AMBRA1: variants seen among roughly 807,000 people sequenced by gnomAD.
The protein encoded by AMBRA1 is autophagy and beclin 1 regulator 1, also known as activating molecule in BECN1-regulated autophagy protein 1.
AMBRA1 carries 47 observed loss-of-function variants against 125.4 expected under a neutral mutation model. The ratio of observed to expected loss-of-function variants is 0.37; its 90% CI spans 0.30 to 0.48. The LOEUF is 0.48. AMBRA1 is among the 20% of genes least tolerant of loss of function. The probability of loss-of-function intolerance (pLI) is 0.99; values close to 1 mark genes in which losing one functional copy is unlikely to be tolerated. For synonymous variants in AMBRA1, 626 were observed against 655.5 expected, an observed-to-expected ratio of 0.95 and a Z score of 0.69; for missense variants, 1,331 against 1,693.4, an observed-to-expected ratio of 0.79 and a Z score of 3.76.
chr11:46,398,051 A>G, intron 17 of AMBRA1, 108 bp from the exon 18 acceptor site: 3 of 1,396,526 alleles, frequency 2.1e-6, no homozygotes, highest in East Asian at 2.5e-5. Context: ...TAAACGCAGG[A>G]TAGAGAAAGA....
At chr11:46,451,876 C>A (rs1300058326) in intron 11 of AMBRA1, 1 of 145,190 alleles carries the variant, frequency 6.9e-6, no homozygotes, top group African/African-American at 2.5e-5. Flanking sequence ...GACTAGAAAG[C>A]CCAGGGCAGG....
chr11:46,495,392 T>C (rs1289365272), intron 9 of AMBRA1: 1 of 152,230 alleles, frequency 6.6e-6, no homozygotes, highest in Non-Finnish European at 1.5e-5. Flanking sequence ...CAAAAGTCTA[T>C]GATGGTTTTT....
In AMBRA1 at chr11:46,397,469, C is replaced by T; in HGVS notation, c.3878G>A (p.Gly1293Glu). ...TTGTCTCTACCTGTTCCGTGGTTCT[C>T]CCCTAGGGCCTGCAGCGTCCCCCCT... ...SSRGDAAGPR[G>E]EPRNR The change falls in exon 18 of 18, where the codon GGA becomes GAA. Residue 1293 changes from glycine to glutamate, a missense_variant. Transcript: ENST00000683756. 1 of 1,516,154 alleles carries T rather than the reference C, an allele frequency of 6.6e-7. No individual in the cohort carries two copies. Among genetic ancestry groups the T allele is most frequent in the Non-Finnish European group, 8.8e-7 (1 of 1,131,644 alleles). 93.9% of individuals were successfully genotyped at this position (1,516,154 alleles called of 1,614,324 possible).
At chr11:46,398,009 C>A in intron 17 of AMBRA1, 66 bp from the exon 18 acceptor site, 1 of 1,518,826 alleles carries the variant, frequency 6.6e-7, no homozygotes, top group Non-Finnish European at 8.8e-7. Flanking sequence ...GGCAGGTGGG[C>A]AGCCACCGGT....
At chr11:46,544,109 T>G (rs1293447937) in intron 5 of AMBRA1, 68 bp from the exon 6 acceptor site, 1 of 1,303,038 alleles carries the variant, frequency 7.7e-7, no homozygotes, top group East Asian at 2.3e-5. Flanking sequence ...AGAGGAAACT[T>G]GTGTTTGAAT....
In AMBRA1 at chr11:46,443,479, T is replaced by C. The variant is rs545766312; in HGVS notation, c.2632+9A>G. 10 of 1,609,994 alleles carry C rather than the reference T, an allele frequency of 6.2e-6. No individual in the cohort carries two copies. Among genetic ancestry groups the C allele is most frequent in the Admixed American group, 5.0e-5 (3 of 59,998 alleles). On this transcript the variant is annotated intron_variant, in intron 12 of 17. Coordinates refer to ENST00000683756, the MANE Select transcript of AMBRA1 (RefSeq NM_001387011.1). ...CTTCCACTGATACCCCCATTTGACA[T>C]TGACTTACCATTACTGATTTCAGGG... is the stretch of plus-strand genomic sequence containing the variant.
chr11:46,483,566 G>A (rs1950155275), intron 11 of AMBRA1, among the ~76,000 whole-genome samples: 1 of 152,200 alleles, frequency 6.6e-6, no homozygotes, highest in African/African-American at 2.4e-5. Context: ...ATAGGAAAAG[G>A]AAACGAGAAA....
Position 46,508,271 on chromosome 11 carries a change from G to T in AMBRA1, c.2259C>A (p.Leu753=), listed in dbSNP as rs749723487. 6.2e-7 allele frequency: 1 copy of T among 1,614,224 alleles called. No individual in the cohort carries two copies. Among genetic ancestry groups the T allele is most frequent in the Non-Finnish European group, 8.5e-7 (1 of 1,180,038 alleles). ...QRSMRYQQNR[L]RSSTSSSSSD... is the part of the protein sequence containing the mutation. ...AGGAAGAGGAGGAGGTGGAAGAACGGAGACGGTTCTGTTGGTAGCGCATGG... is the reference window on the plus strand; with the variant it reads ...AGGAAGAGGAGGAGGTGGAAGAACGTAGACGGTTCTGTTGGTAGCGCATGG... Residue 753 remains leucine, a synonymous_variant, in exon 9 of 18, where the codon CTC becomes CTA. Transcript: ENST00000683756.
intron 12 of AMBRA1, among the ~76,000 whole-genome samples, chr11:46,439,360 TAGAAC>T (rs113305101): frequency 0.012 from 1,830 of 152,238 alleles, 43 homozygotes; most frequent in African/African-American, 0.042. Context: ...GACAGATCAC[TAGAAC>T]AGAACAGAGA....
chr11:46,548,996 A>G (rs1312612315), intron 1 of AMBRA1: 3 of 152,222 alleles, frequency 2.0e-5, no homozygotes, highest in Admixed American at 1.3e-4. Flanking sequence ...CCATCTCAAA[A>G]AAAAAAAGAT....
chr11:46,554,288 A>C (rs2043102408), intron 1 of AMBRA1, among the ~76,000 whole-genome samples: 1 of 152,190 alleles, frequency 6.6e-6, no homozygotes, highest in African/African-American at 2.4e-5. Context: ...AAAATAAAAA[A>C]AACCGACCTT....
intron 7 of AMBRA1, among the ~76,000 whole-genome samples, chr11:46,520,344 G>A (rs559424003): frequency 6.6e-6 from 1 of 152,162 alleles, no homozygotes; most frequent in East Asian, 1.9e-4. Context: ...GAAAGAATGA[G>A]AGTGAAAAAC....
chr11:46,540,329 A>G (rs1952678699), intron 7 of AMBRA1, among the ~76,000 whole-genome samples: 1 of 152,198 alleles, frequency 6.6e-6, no homozygotes, highest in Admixed American at 6.5e-5. Flanking sequence ...GAGATCTTTA[A>G]TAAACTTTTA....
chr11:46,551,229 G>A (rs1293253088), intron 1 of AMBRA1, among the ~76,000 whole-genome samples: 2 of 152,148 alleles, frequency 1.3e-5, no homozygotes, highest in Non-Finnish European at 2.9e-5. Context: ...GCTGGGGACT[G>A]GAGGGACTAG....
chr11:46,480,726 C>T (rs1037915585), intron 11 of AMBRA1, among the ~76,000 whole-genome samples: 4 of 152,286 alleles, frequency 2.6e-5, no homozygotes, highest in Non-Finnish European at 4.4e-5. Flanking sequence ...CTTTGCTCTA[C>T]AACTTTGGAA....
chr11:46,406,724 A>G (rs1005557926), intron 17 of AMBRA1, among the ~76,000 whole-genome samples: 1 of 150,678 alleles, frequency 6.6e-6, no homozygotes, highest in Non-Finnish European at 1.5e-5. Flanking sequence ...CTACTAAAAA[A>G]TACAAAAATT....
intron 11 of AMBRA1, among the ~76,000 whole-genome samples, chr11:46,474,146 G>T (rs147863174): frequency 2.0e-5 from 3 of 151,708 alleles, no homozygotes; most frequent in Non-Finnish European, 4.4e-5. Context: ...CTGGTTCAGG[G>T]TGCTGCCCTG....
chr11:46,487,629 A>G (rs1407835243), intron 11 of AMBRA1, among the ~76,000 whole-genome samples: 1 of 152,154 alleles, frequency 6.6e-6, no homozygotes, highest in Admixed American at 6.5e-5. Context: ...ATCTTACCAG[A>G]ATTAAGTCTG....
chr11:46,583,072 G>C (rs1416530319), intron 1 of AMBRA1, among the ~76,000 whole-genome samples: 1 of 152,100 alleles, frequency 6.6e-6, no homozygotes, highest in Non-Finnish European at 1.5e-5. Context: ...AACAAAGCTG[G>C]AGGCATCACG....
Sources: gnomAD v4.1 joint callset for allele counts (sites outside exome capture counted in the v4.1 genomes callset) on GRCh38, gnomAD v4.1.1 for gene constraint, MANE v1.5 for transcripts, NCBI Gene and HGNC (gene_info 2026-07-23, HGNC 2026-07-21) for gene names.